SKAP1: variants seen among roughly 807,000 people sequenced by gnomAD.
SKAP1 encodes src kinase associated phosphoprotein 1.
A neutral mutation model predicts 58.5 loss-of-function variants in SKAP1; 44 were observed. That is an observed-to-expected ratio of 0.75 (90% CI 0.59 to 0.97). The LOEUF (loss-of-function observed/expected upper bound fraction) is 0.97, where lower values mean the gene tolerates loss of function less well. Ranked by LOEUF, SKAP1 falls within the 50% of genes least tolerant of loss-of-function variation. The pLI, the probability that SKAP1 is intolerant of heterozygous loss-of-function variation, is 0.00. For synonymous variants in SKAP1, 127 were observed against 149.7 expected (o/e 0.85, Z 1.11); for missense variants, 390 against 435.2 (o/e 0.90, Z 0.92).
intron 4 of SKAP1, chr17:48,231,997 C>T (rs1157958131): frequency 1.3e-5 from 2 of 152,224 alleles, no homozygotes; most frequent in African/African-American, 4.8e-5. Flanking sequence ...AAAAGTGAGG[C>T]ACTTGCTAGC....
chr17:48,274,802 G>A (rs546307080), intron 4 of SKAP1, among the ~76,000 whole-genome samples: 5 of 152,082 alleles, frequency 3.3e-5, no homozygotes, highest in Non-Finnish European at 7.4e-5. Context: ...TCAGCCTCCT[G>A]AGTAACTGGG....
rs918634853 is a variant in SKAP1, at chr17:48,231,581, C to A, written c.281-42081G>T. ...GAAAGCAAGGAATTTTACGCTGAGA[C>A]CTTCTAACTGTCCTGAAATATTTGA... On this transcript the variant is annotated intron_variant, in intron 4 of 12. Transcript: ENST00000336915. Among the ~76,000 whole-genome samples, 4 of 151,624 alleles carry A rather than the reference C, an allele frequency of 2.6e-5. No individual in the cohort carries two copies. The East Asian group carries it at 5.8e-4, about 22-fold the overall frequency.
At chr17:48,376,659 C>T (rs1050778006) in intron 2 of SKAP1, among the ~76,000 whole-genome samples, 21 of 152,138 alleles carry the variant, frequency 1.4e-4, no homozygotes, top group Admixed American at 9.8e-4. Context: ...TCTCAAGTTA[C>T]GAATACTGCA....
At position 48,351,924 on chromosome 17, in the gene SKAP1, G is replaced by A. The variant is rs553593905; in HGVS notation, c.179-5918C>T. 3.6e-4 allele frequency among the ~76,000 whole-genome samples: 55 copies of A among 152,242 alleles called. 1 individual carries two copies. The highest frequency in any genetic ancestry group is 8.3e-4 in the South Asian group (4 of 4,832). On this transcript the variant is annotated intron_variant, in intron 3 of 12. Transcript: ENST00000336915. ...TCAGTGGTGGATTGGACAGGAAAAT[G>A]TCAGTGGGAGCTAATTGAAAAGTTC...
At chr17:48,373,459 A>C (rs1355399141) in intron 2 of SKAP1, among the ~76,000 whole-genome samples, 1 of 152,258 alleles carries the variant, frequency 6.6e-6, no homozygotes, top group African/African-American at 2.4e-5. Context: ...ACTTGGTTCC[A>C]GAGCCCAAGC....
At chr17:48,349,837 T>A (rs565306805) in intron 3 of SKAP1, among the ~76,000 whole-genome samples, 1 of 152,332 alleles carries the variant, frequency 6.6e-6, no homozygotes, top group African/African-American at 2.4e-5. Context: ...AATTATTTCC[T>A]AGGGTTTCTG....
intron 4 of SKAP1, among the ~76,000 whole-genome samples, chr17:48,237,328 A>G (rs183716124): frequency 6.6e-6 from 1 of 152,336 alleles, no homozygotes. Flanking sequence ...ATTTTCTGAC[A>G]TCAAAATTCT....
intron 3 of SKAP1, among the ~76,000 whole-genome samples, chr17:48,353,930 G>A (rs2066839839): frequency 7.5e-6 from 1 of 132,858 alleles, no homozygotes; most frequent in East Asian, 2.0e-4. Context: ...AAAGAAGAAA[G>A]AAGAAGAGGA....
chr17:48,279,025 C>T (rs1007605633), intron 4 of SKAP1, among the ~76,000 whole-genome samples: 1 of 152,148 alleles, frequency 6.6e-6, no homozygotes. Context: ...AAGGAAAACA[C>T]CAATATATTG....
At chr17:48,357,845 A>G (rs1013609008) in intron 3 of SKAP1, among the ~76,000 whole-genome samples, 1 of 152,172 alleles carries the variant, frequency 6.6e-6, no homozygotes, top group African/African-American at 2.4e-5. Context: ...GCTACAGATT[A>G]ATTTGTATAA....
chr17:48,380,629 G>C (rs1012835371), intron 2 of SKAP1, among the ~76,000 whole-genome samples: 4 of 152,120 alleles, frequency 2.6e-5, no homozygotes, highest in Non-Finnish European at 5.9e-5. Flanking sequence ...TAAAAAACCT[G>C]ATGATGGGGC....
Position 48,396,696 on chromosome 17 carries a change from G to C in SKAP1, c.136C>G (p.Gln46Glu), listed in dbSNP as rs773197690. The C allele has an allele frequency of 3.1e-6, 5 of 1,610,488 alleles. No homozygotes were observed. The Admixed American group carries it at 8.4e-5, about 27-fold the overall frequency. The change falls in exon 2 of 13, where the codon CAG (glutamine) becomes GAG (glutamate). Residue 46 changes from glutamine to glutamate, a missense_variant. Gln to Glu is a conservative substitution (Grantham distance 29, BLOSUM62 2). Coordinates refer to ENST00000336915, the MANE Select transcript of SKAP1 (RefSeq NM_003726.4). Reference sequence around the variant, plus strand: ...TATACAAACCTGGCTTTGATTTGCTGAAAGCCCCGTAGAATATGGTCTCTG... The same window carrying C: ...TATACAAACCTGGCTTTGATTTGCTCAAAGCCCCGTAGAATATGGTCTCTG... ...DHRDHILRGFQQIKARYYWDF... is the reference protein window; with the variant it reads ...DHRDHILRGFEQIKARYYWDF...
At chr17:48,333,008 T>C (rs1315922569) in intron 4 of SKAP1, among the ~76,000 whole-genome samples, 8 of 152,182 alleles carry the variant, frequency 5.3e-5, no homozygotes, top group Admixed American at 4.6e-4. Flanking sequence ...CTATTCTAGA[T>C]AGGAAAAGTA....
intron 4 of SKAP1, among the ~76,000 whole-genome samples, chr17:48,285,119 G>A (rs2065813981): frequency 6.6e-6 from 1 of 152,192 alleles, no homozygotes; most frequent in African/African-American, 2.4e-5. Flanking sequence ...AATCCTCACA[G>A]CCATCTCTAA....
At chr17:48,154,851 G>A (rs979204959) in intron 11 of SKAP1, among the ~76,000 whole-genome samples, 2 of 151,978 alleles carry the variant, frequency 1.3e-5, no homozygotes, top group Non-Finnish European at 2.9e-5. Context: ...TCGAGGCCAG[G>A]AGTTCAAGAC....
At chr17:48,395,843 T>C (rs1252335776) in intron 2 of SKAP1, among the ~76,000 whole-genome samples, 2 of 152,200 alleles carry the variant, frequency 1.3e-5, no homozygotes, top group African/African-American at 2.4e-5. Flanking sequence ...TTCCGAAGGA[T>C]AAAATTCTCT....
intron 1 of SKAP1, among the ~76,000 whole-genome samples, chr17:48,400,815 G>A (rs544161831): frequency 6.6e-6 from 1 of 151,966 alleles, no homozygotes; most frequent in Non-Finnish European, 1.5e-5. Flanking sequence ...AAGCACTTAC[G>A]AATAAATAGA....
intron 9 of SKAP1, among the ~76,000 whole-genome samples, chr17:48,171,402 G>A (rs982610440): frequency 1.3e-5 from 2 of 151,932 alleles, no homozygotes; most frequent in Non-Finnish European, 2.9e-5. Context: ...CACCGTGCCT[G>A]GCAATTACTG....
intron 4 of SKAP1, among the ~76,000 whole-genome samples, chr17:48,246,717 C>G (rs2065301003): frequency 6.6e-6 from 1 of 152,100 alleles, no homozygotes; most frequent in Admixed American, 6.5e-5. Context: ...AGTTAATCAC[C>G]CAATCCTGCT....
Sources: allele counts gnomAD v4.1 joint callset (sites outside exome capture counted in the v4.1 genomes callset), GRCh38; gene constraint gnomAD v4.1.1; transcripts MANE v1.5; gene names NCBI Gene and HGNC (gene_info 2026-07-23, HGNC 2026-07-21).